Variants in VRK2 observed in about 807,000 individuals in gnomAD.
VRK2 encodes the protein serine/threonine-protein kinase VRK2.
Under a neutral mutation model 57.6 loss-of-function variants are expected in VRK2, and 60 were observed. That is an observed-to-expected ratio of 1.04 (90% CI 0.85 to 1.29). The LOEUF is 1.29. VRK2 is among the 50% of genes most tolerant of loss of function. The probability of loss-of-function intolerance (pLI) is 0.00; values close to 1 mark genes in which losing one functional copy is unlikely to be tolerated. For synonymous variants in VRK2, 231 were observed against 199.2 expected (o/e 1.16, Z -1.35); for missense variants, 705 against 588.1 (o/e 1.20, Z -2.06).
intron 7 of VRK2, among the ~76,000 whole-genome samples, chr2:58,118,947 C>T (rs1286897587): frequency 6.6e-6 from 1 of 152,208 alleles, no homozygotes; most frequent in Non-Finnish European, 1.5e-5. Flanking sequence ...GAAGGAAATT[C>T]ACAGGGTTAA....
intron 1 of VRK2, among the ~76,000 whole-genome samples, chr2:57,934,639 C>T (rs1670845307): frequency 6.6e-6 from 1 of 152,192 alleles, no homozygotes; most frequent in African/African-American, 2.4e-5. Context: ...TTTTCAGCCA[C>T]CATTTCTTTA....
chr2:58,114,100 G>A (rs1467691822), intron 7 of VRK2, among the ~76,000 whole-genome samples: 2 of 152,090 alleles, frequency 1.3e-5, no homozygotes, highest in East Asian at 1.9e-4. Context: ...AGAATGATTG[G>A]TGATGGCCTG....
intron 1 of VRK2, among the ~76,000 whole-genome samples, chr2:57,929,062 C>T (rs895533373): frequency 2.0e-5 from 3 of 152,154 alleles, no homozygotes; most frequent in Non-Finnish European, 4.4e-5. Flanking sequence ...GCCTGGCTAC[C>T]ACCTATGTTT....
chr2:58,021,414 T>C (rs1022348126), intron 1 of VRK2, among the ~76,000 whole-genome samples: 6 of 152,178 alleles, frequency 3.9e-5, no homozygotes, highest in African/African-American at 1.4e-4. Flanking sequence ...ATCATAGAGG[T>C]TTCAAATTAG....
chr2:57,918,105 T>C (rs1224087116), intron 1 of VRK2, among the ~76,000 whole-genome samples: 7 of 152,146 alleles, frequency 4.6e-5, no homozygotes, highest in Admixed American at 3.9e-4. Context: ...ACAAAATACA[T>C]TGCAAATTGT....
intron 1 of VRK2, among the ~76,000 whole-genome samples, chr2:57,966,887 T>C (rs1671935062): frequency 2.0e-5 from 3 of 152,234 alleles, no homozygotes; most frequent in South Asian, 4.2e-4. Context: ...CTTTTACTTA[T>C]CCCAGTAGAA....
At chr2:58,058,294 G>C in intron 2 of VRK2, 2 of 459,422 alleles carry the variant, frequency 4.4e-6, no homozygotes, top group Non-Finnish European at 9.0e-6. Flanking sequence ...CTTTTAATAG[G>C]GATGCTGTAT....
intron 1 of VRK2, among the ~76,000 whole-genome samples, chr2:57,956,272 T>G (rs973850509): frequency 1.3e-5 from 2 of 151,992 alleles, no homozygotes; most frequent in Non-Finnish European, 2.9e-5. Context: ...GTAGTACTAG[T>G]TACTTGGGAG....
chr2:57,987,276 T>C (rs1212414106), intron 1 of VRK2, among the ~76,000 whole-genome samples: 4 of 152,140 alleles, frequency 2.6e-5, no homozygotes, highest in Non-Finnish European at 5.9e-5. Context: ...AAAGGACTTG[T>C]ATCCAGAATA....
chr2:58,107,408 CGCA>C (rs1321384556), intron 7 of VRK2, among the ~76,000 whole-genome samples: 1 of 152,002 alleles, frequency 6.6e-6, no homozygotes, highest in East Asian at 1.9e-4. Flanking sequence ...TCTCTCTTTA[CGCA>C]TGATATTTTC....
At chr2:57,965,247 A>T (rs1439073344) in intron 1 of VRK2, among the ~76,000 whole-genome samples, 1 of 152,226 alleles carries the variant, frequency 6.6e-6, no homozygotes, top group African/African-American at 2.4e-5. Context: ...TCCACAGCTA[A>T]GGGTGAGTCC....
chr2:58,099,157 CCAGTG>C (rs1673584739), intron 7 of VRK2, among the ~76,000 whole-genome samples: 1 of 151,942 alleles, frequency 6.6e-6, no homozygotes, highest in Non-Finnish European at 1.5e-5. Flanking sequence ...CCTATATCTC[CCAGTG>C]TCACTTGGAG....
chr2:58,028,768 C>T (rs1387671338), intron 2 of VRK2, among the ~76,000 whole-genome samples: 6 of 150,192 alleles, frequency 4.0e-5, no homozygotes, highest in East Asian at 3.9e-4. Context: ...GATAGCATTA[C>T]GAGATATACC....
chr2:58,042,098 A>C (rs927817959), upstream of VRK2, among the ~76,000 whole-genome samples: 1 of 152,176 alleles, frequency 6.6e-6, no homozygotes, highest in African/African-American at 2.4e-5. Context: ...TTGGCAAAAG[A>C]AACTTCTAAA....
chr2:57,916,176 G>A (rs1438591536), intron 1 of VRK2, among the ~76,000 whole-genome samples: 2 of 152,050 alleles, frequency 1.3e-5, no homozygotes, highest in Admixed American at 1.3e-4. Context: ...GGAGGTCGAG[G>A]CAGGCAGATC....
At chr2:57,961,855 C>A (rs1007928854) in intron 1 of VRK2, among the ~76,000 whole-genome samples, 4 of 152,066 alleles carry the variant, frequency 2.6e-5, no homozygotes, top group African/African-American at 7.2e-5. Context: ...GACAGGAGGA[C>A]TGCTTGAGCC....
Position 58,048,824 on chromosome 2 carries a change from C to T in VRK2, c.-5-3C>T, listed in dbSNP as rs376120380. 260 of 1,613,000 alleles carry T rather than the reference C, an allele frequency of 1.6e-4. No individual in the cohort carries two copies. Among genetic ancestry groups the T allele is most frequent in the Non-Finnish European group, 2.0e-4 (233 of 1,179,604 alleles). ...CCATTTATCTCACCCCTTCTGCCAA[C>T]AGAAGTGATGCCACCAAAAAGAAAT... is the stretch of plus-strand genomic sequence containing the variant. On this transcript the variant is annotated splice_polypyrimidine_tract_variant and splice_region_variant and intron_variant, in intron 1 of 12. Transcript: ENST00000340157.
intron 7 of VRK2, among the ~76,000 whole-genome samples, chr2:58,108,565 T>C (rs1195104427): frequency 5.3e-5 from 8 of 152,104 alleles, no homozygotes; most frequent in Admixed American, 5.2e-4. Context: ...TTCTCCGCCC[T>C]CAACACACAC....
chr2:58,026,202 T>C (rs1353708921), intron 2 of VRK2, among the ~76,000 whole-genome samples: 8 of 152,056 alleles, frequency 5.3e-5, no homozygotes, highest in African/African-American at 1.7e-4. Context: ...AAGAGAATAA[T>C]AGAAAATCTT....
Sources: gnomAD v4.1 joint callset for allele counts (sites outside exome capture counted in the v4.1 genomes callset) on GRCh38, gnomAD v4.1.1 for gene constraint, MANE v1.5 for transcripts, NCBI Gene and HGNC (gene_info 2026-07-23, HGNC 2026-07-21) for gene names.